The following TINAG variants were observed in gnomAD, a reference collection of about 807,000 sequenced individuals.
TINAG encodes tubulointerstitial nephritis antigen.
Under a neutral mutation model 72.7 loss-of-function variants are expected in TINAG, and 83 were observed. The ratio of observed to expected loss-of-function variants is 1.14; its 90% CI spans 0.96 to 1.37. The LOEUF (loss-of-function observed/expected upper bound fraction) is 1.37, where lower values mean the gene tolerates loss of function less well. TINAG is among the 40% of genes most tolerant of loss of function. The pLI is 0.00. For synonymous variants in TINAG, 234 were observed against 189.9 expected (o/e 1.23, Z -1.91); for missense variants, 685 against 576.6 (o/e 1.19, Z -1.93).
chr6:54,349,895 A>T lies in TINAG; in HGVS notation c.1079A>T (p.Asn360Ile), dbSNP rs1399273343. The T allele has an allele frequency of 5.8e-6, 9 of 1,546,790 alleles. No individual in the cohort carries two copies. The Admixed American group carries it at 1.6e-4, about 28-fold the overall frequency. Residue 360 changes from asparagine to isoleucine, a missense_variant and splice_region_variant, in exon 7 of 11, where the codon AAC (asparagine) becomes ATC (isoleucine). By Grantham distance (149) the Asn-to-Ile change is moderately radical (BLOSUM62 -3). Coordinates refer to ENST00000259782, the MANE Select transcript of TINAG (RefSeq NM_014464.4). Reference sequence around the variant, plus strand: ...TCTCCTCCATACAGAGTCTCTTCCAACGTAAGTATAAATGGCAAGAATCAA... The same window carrying T: ...TCTCCTCCATACAGAGTCTCTTCCATCGTAAGTATAAATGGCAAGAATCAA... ...QCSPPYRVSS[N>I]ETEIMKEIMQ...
intron 9 of TINAG, among the ~76,000 whole-genome samples, chr6:54,357,057 A>G (rs892408089): frequency 2.6e-5 from 4 of 151,926 alleles, no homozygotes; most frequent in Admixed American, 2.6e-4. Flanking sequence ...AACTGCACCA[A>G]TCATGTTTTC....
In TINAG at chr6:54,320,640, C is replaced by T. The variant is rs367701839; in HGVS notation, c.417C>T (p.Ser139=). 3 of 1,606,826 alleles carry T rather than the reference C, an allele frequency of 1.9e-6. No homozygotes were observed. Among genetic ancestry groups the T allele is most frequent in the Non-Finnish European group, 2.6e-6 (3 of 1,176,308 alleles). The change falls in exon 2 of 11, where the codon TCC becomes TCT. Residue 139 remains serine (S), a splice_region_variant and synonymous_variant. Coordinates refer to ENST00000259782, the MANE Select transcript of TINAG (RefSeq NM_014464.4). The stretch of plus-strand genomic sequence containing the variant: ...CAGTAATTAAAGAAAACTGCAACTC[C>T]TGGTAATAAATTTAAGTGGCACAGA... The part of the protein sequence containing the change: ...EGSVIKENCN[S]CTCSGQQWKC...
chr6:54,308,409 T>C (rs1023877973), upstream of TINAG: 27 of 676,570 alleles, frequency 4.0e-5, 1 homozygote, highest in Non-Finnish European at 6.7e-5. Context: ...CTATGAGAAG[T>C]ATACTCATTC....
chr6:54,380,398 C>A, intron 9 of TINAG, 128 bp from the exon 10 acceptor site: 2 of 655,068 alleles, frequency 3.1e-6, no homozygotes, highest in East Asian at 3.0e-5. Flanking sequence ...GGTGATATTT[C>A]CATTGTGAAA....
At chr6:54,319,475 G>A (rs1023334286) in intron 1 of TINAG, among the ~76,000 whole-genome samples, 7 of 152,092 alleles carry the variant, frequency 4.6e-5, no homozygotes, top group East Asian at 1.9e-4. Flanking sequence ...TGATTGTGAC[G>A]TACCAAAATT....
At chr6:54,315,834 G>A (rs867087564) in intron 1 of TINAG, among the ~76,000 whole-genome samples, 1 of 152,162 alleles carries the variant, frequency 6.6e-6, no homozygotes, top group African/African-American at 2.4e-5. Context: ...ACAGACCTAA[G>A]TTGATTTGAT....
At chr6:54,331,089 C>G (rs1203404803) in intron 4 of TINAG, among the ~76,000 whole-genome samples, 1 of 152,126 alleles carries the variant, frequency 6.6e-6, no homozygotes, top group Non-Finnish European at 1.5e-5. Flanking sequence ...AAGAGTGACT[C>G]CTCCCTAACT....
intron 4 of TINAG, among the ~76,000 whole-genome samples, chr6:54,336,536 A>G (rs1784868934): frequency 6.6e-6 from 1 of 152,172 alleles, no homozygotes; most frequent in Non-Finnish European, 1.5e-5. Flanking sequence ...TGAATTTGGG[A>G]GATAGCACCA....
intron 1 of TINAG, among the ~76,000 whole-genome samples, chr6:54,311,499 T>C (rs1455825750): frequency 6.6e-6 from 1 of 152,202 alleles, no homozygotes; most frequent in Non-Finnish European, 1.5e-5. Context: ...TATGTTCCCC[T>C]AGTACTATAC....
At chr6:54,370,177 C>A (rs570290359) in intron 9 of TINAG, among the ~76,000 whole-genome samples, 1 of 151,996 alleles carries the variant, frequency 6.6e-6, no homozygotes, top group South Asian at 2.1e-4. Context: ...TCTTTGAATT[C>A]GTGTCTGCTG....
chr6:54,387,188 AAATTAAGACCAC>A (rs1764121893), intron 10 of TINAG, among the ~76,000 whole-genome samples: 1 of 152,202 alleles, frequency 6.6e-6, no homozygotes, highest in East Asian at 1.9e-4. Context: ...AAGGAAATGC[AAATTAAGACCAC>A]AATGAAATAT....
At chr6:54,315,246 A>G (rs1784345632) in intron 1 of TINAG, among the ~76,000 whole-genome samples, 1 of 152,250 alleles carries the variant, frequency 6.6e-6, no homozygotes, top group East Asian at 1.9e-4. Flanking sequence ...ATTTAAAACT[A>G]TGTACATTAT....
chr6:54,356,647 GACAA>G (rs1347557429), intron 9 of TINAG, among the ~76,000 whole-genome samples: 2 of 151,824 alleles, frequency 1.3e-5, no homozygotes, highest in South Asian at 2.1e-4. Context: ...TGAAAAGTTT[GACAA>G]ACAAAAATAG....
chr6:54,381,178 T>TGTACTCATCAGAGTACAAAAGAGAAC (rs1165178036), intron 10 of TINAG, among the ~76,000 whole-genome samples: 2 of 150,762 alleles, frequency 1.3e-5, no homozygotes, highest in African/African-American at 4.9e-5. Context: ...GGCTTTTTTT[T>TGTACTCATCAGAGTACAAAAGAGAAC]TTCTTTTTGC....
chr6:54,374,759 A>G (rs934398519), intron 9 of TINAG, among the ~76,000 whole-genome samples: 1 of 152,014 alleles, frequency 6.6e-6, no homozygotes, highest in African/African-American at 2.4e-5. Context: ...CTGATAGCCT[A>G]TCTGAGTTTC....
At chr6:54,329,799 G>T (rs1419956373) in intron 4 of TINAG, among the ~76,000 whole-genome samples, 3 of 150,816 alleles carry the variant, frequency 2.0e-5, no homozygotes, top group Non-Finnish European at 4.4e-5. Flanking sequence ...TAAATGGAAA[G>T]AAAAAAAAGC....
intron 9 of TINAG, among the ~76,000 whole-genome samples, 166 bp from the exon 10 acceptor site, chr6:54,380,360 C>G (rs1332062800): frequency 2.0e-5 from 3 of 152,040 alleles, no homozygotes; most frequent in Non-Finnish European, 4.4e-5. Context: ...AAGAAGAAAA[C>G]TATATGAGCA....
intron 10 of TINAG, among the ~76,000 whole-genome samples, chr6:54,385,909 C>T (rs1764086827): frequency 2.2e-5 from 2 of 92,570 alleles, no homozygotes; most frequent in East Asian, 3.5e-4. Flanking sequence ...TTTTTTCAGA[C>T]GGAGTCTCAC....
rs530854821 is a variant in TINAG at position 54,346,731 on chromosome 6, T to A, written c.749-636T>A. On this transcript the variant is annotated intron_variant, in intron 5 of 10. Transcript: ENST00000259782. ...AACAAGATTAAGATAATAATTTTCA[T>A]TTATATTATGAGCACAAAAGTGTGC... 2.6e-5 allele frequency among the ~76,000 whole-genome samples: 4 copies of A among 152,086 alleles called. No homozygotes were observed. The East Asian group carries it at 7.7e-4, about 29-fold the overall frequency.
Sources: gnomAD v4.1 joint callset for allele counts (sites outside exome capture counted in the v4.1 genomes callset) on GRCh38, gnomAD v4.1.1 for gene constraint, MANE v1.5 for transcripts, NCBI Gene and HGNC (gene_info 2026-07-23, HGNC 2026-07-21) for gene names.